The following RAD50 variants were observed in gnomAD, a reference collection of about 807,000 sequenced individuals.
RAD50 encodes the protein RAD50 double strand break repair protein.
Under a neutral mutation model 168.8 loss-of-function variants are expected in RAD50, and 132 were observed. The ratio of observed to expected loss-of-function variants is 0.78; its 90% CI spans 0.68 to 0.90. The LOEUF is 0.90. Ranked by LOEUF, RAD50 falls within the 40% of genes least tolerant of loss-of-function variation. The pLI, the probability that RAD50 is intolerant of heterozygous loss-of-function variation, is 0.00. For missense variants in RAD50, 1,347 were observed against 1,534.4 expected, an observed-to-expected ratio of 0.88 and a Z score of 2.04; for synonymous variants, 525 against 497.4, an observed-to-expected ratio of 1.06 and a Z score of -0.74.
At chr5:132,588,512 C>T (rs907391529) in intron 7 of RAD50, among the ~76,000 whole-genome samples, 175 bp from the exon 8 acceptor site, 7 of 152,044 alleles carry the variant, frequency 4.6e-5, no homozygotes, top group Non-Finnish European at 8.8e-5. Context: ...ATATCAATAT[C>T]AGTATTCTGG....
At chr5:132,595,940 A>G (rs1182154322) in intron 13 of RAD50, 130 bp downstream of exon 13, 18 of 799,604 alleles carry the variant, frequency 2.3e-5, no homozygotes, top group Admixed American at 1.4e-4. Context: ...TATCACTTCT[A>G]TGATAAGAAG....
chr5:132,570,855 G>C (rs564380585), intron 2 of RAD50, among the ~76,000 whole-genome samples: 6 of 152,254 alleles, frequency 3.9e-5, no homozygotes, highest in Non-Finnish European at 7.4e-5. Flanking sequence ...AACCTGTTTT[G>C]GATTTTGACA....
chr5:132,578,155 G>A (rs1750432375), intron 3 of RAD50, among the ~76,000 whole-genome samples: 1 of 152,110 alleles, frequency 6.6e-6, no homozygotes, highest in Admixed American at 6.5e-5. Context: ...AGACAACTTA[G>A]GTTCAACGTT....
At position 132,643,734 on chromosome 5, in the gene RAD50, G is replaced by GGGGGGCCCCCCCCCCC; in HGVS notation, c.*1370_*1371insGGGGGCCCCCCCCCCC. On this transcript the variant is annotated 3_prime_UTR_variant, in exon 25 of 25. Transcript: ENST00000378823. ...GGGGGTGGTGGTGGGGTGGGGGGGG[G>GGGGGGCCCCCCCCCCC]TCCTAAATGTAATCACGAGTAAGAT... 1 of 177,118 alleles carries GGGGGGCCCCCCCCCCC rather than the reference G, an allele frequency of 5.6e-6. No homozygotes were observed. The highest frequency in any genetic ancestry group is 1.2e-5 in the Non-Finnish European group (1 of 84,834). The allele number at this position is 177,118 out of a possible 1,614,324, so 11.0% of individuals were successfully genotyped here.
intron 13 of RAD50, among the ~76,000 whole-genome samples, chr5:132,597,027 A>G (rs1241983564): frequency 6.6e-6 from 1 of 152,228 alleles, no homozygotes; most frequent in Non-Finnish European, 1.5e-5. Context: ...ATAGGGCTAC[A>G]TTATATTCAG....
rs551223773 is a variant in RAD50 at position 132,599,305 on chromosome 5, CAT to C, written c.2207+3496_2207+3497del. On this transcript the variant is annotated intron_variant, in intron 13 of 24. Coordinates refer to ENST00000378823, the MANE Select transcript of RAD50 (RefSeq NM_005732.4). ...CTGGCAGGGCTGCTAAGTGAGGACACATGTGTGAGGAAACCATTTTTATAAAG... is the reference window on the plus strand; with the variant it reads ...CTGGCAGGGCTGCTAAGTGAGGACACGTGTGAGGAAACCATTTTTATAAAG... Among the ~76,000 whole-genome samples the C allele has an allele frequency of 2.0e-3, 297 of 152,180 alleles. 1 individual carries two copies. Among genetic ancestry groups the C allele is most frequent in the African/African-American group, 6.5e-3 (271 of 41,522 alleles).
At chr5:132,572,527 A>G (rs185381476) in intron 2 of RAD50, among the ~76,000 whole-genome samples, 1 of 152,212 alleles carries the variant, frequency 6.6e-6, no homozygotes, top group Non-Finnish European at 1.5e-5. Context: ...CCAGCTAATG[A>G]AAAGAATGCT....
At chr5:132,583,779 C>T (rs1333990703) in intron 5 of RAD50, among the ~76,000 whole-genome samples, 4 of 150,922 alleles carry the variant, frequency 2.7e-5, no homozygotes, top group Admixed American at 6.6e-5. Context: ...CTGCAACCTC[C>T]GTCTCCCAGG....
At chr5:132,560,097 G>C (rs932222849) in intron 2 of RAD50, among the ~76,000 whole-genome samples, 1 of 151,162 alleles carries the variant, frequency 6.6e-6, no homozygotes, top group South Asian at 2.1e-4. Context: ...TAGTTTATTC[G>C]TTTTTAGTGG....
Position 132,591,412 on chromosome 5 carries a change from A to C in RAD50, c.1635+6A>C, listed in dbSNP as rs764870292. On this transcript the variant is annotated splice_donor_region_variant and intron_variant, in intron 10 of 24. Coordinates refer to ENST00000378823, the MANE Select transcript of RAD50 (RefSeq NM_005732.4). ...AGATGCTGACCAAAGACAAAGTATGATTTTTCTTTTTGTTCTAATTATACT... is the reference window on the plus strand; with the variant it reads ...AGATGCTGACCAAAGACAAAGTATGCTTTTTCTTTTTGTTCTAATTATACT... 3 of 1,611,458 alleles carry C rather than the reference A, an allele frequency of 1.9e-6. No homozygotes were observed. The East Asian group carries it at 6.7e-5, about 36-fold the overall frequency.
intron 19 of RAD50, among the ~76,000 whole-genome samples, chr5:132,612,600 C>T (rs778409126): frequency 6.6e-6 from 1 of 152,010 alleles, no homozygotes; most frequent in Non-Finnish European, 1.5e-5. Context: ...TTTGGGAGGC[C>T]GAGGCGGGCA....
At chr5:132,640,011 G>A (rs1489485680) in intron 23 of RAD50, among the ~76,000 whole-genome samples, 4 of 152,210 alleles carry the variant, frequency 2.6e-5, no homozygotes, top group African/African-American at 7.2e-5. Context: ...TCAATTCTGT[G>A]TGTCTTGTAT....
chr5:132,635,345 T>C (rs1751559239), intron 21 of RAD50, among the ~76,000 whole-genome samples: 2 of 152,256 alleles, frequency 1.3e-5, no homozygotes, highest in Admixed American at 6.5e-5. Context: ...ATCATTGTTA[T>C]TCCCTTATGT....
intron 12 of RAD50, 94 bp downstream of exon 12, chr5:132,595,138 T>A (rs990391193): frequency 3.0e-6 from 4 of 1,335,726 alleles, no homozygotes; most frequent in Non-Finnish European, 4.2e-6. Flanking sequence ...AAAAACCTGG[T>A]TATGGAGCCT....
At chr5:132,574,251 G>T (rs1207090512) in intron 2 of RAD50, among the ~76,000 whole-genome samples, 1 of 152,160 alleles carries the variant, frequency 6.6e-6, no homozygotes, top group Non-Finnish European at 1.5e-5. Context: ...TGAAATCTAG[G>T]CAGAGGTTCC....
At chr5:132,629,070 T>A (rs1185675412) in intron 21 of RAD50, among the ~76,000 whole-genome samples, 1 of 152,214 alleles carries the variant, frequency 6.6e-6, no homozygotes, top group African/African-American at 2.4e-5. Flanking sequence ...GGGTTTCATA[T>A]GTATTCACTG....
chr5:132,637,928 C>T (rs1363484433), intron 22 of RAD50, 153 bp from the exon 23 acceptor site: 1 of 867,766 alleles, frequency 1.2e-6, no homozygotes, highest in Non-Finnish European at 1.8e-6. Flanking sequence ...CTCTTGAATC[C>T]TCCCAGCCAG....
At chr5:132,607,514 A>G (rs1318469004) in intron 16 of RAD50, among the ~76,000 whole-genome samples, 1 of 152,216 alleles carries the variant, frequency 6.6e-6, no homozygotes, top group East Asian at 1.9e-4. Context: ...CACTAAGTAT[A>G]TTACTGAATA....
intron 5 of RAD50, 56 bp downstream of exon 5, chr5:132,580,122 A>G: frequency 7.1e-7 from 1 of 1,407,776 alleles, no homozygotes. Context: ...GGTATACAGC[A>G]TGATGTTTTG....
Sources: gnomAD v4.1 joint callset for allele counts (sites outside exome capture counted in the v4.1 genomes callset) on GRCh38, gnomAD v4.1.1 for gene constraint, MANE v1.5 for transcripts, NCBI Gene and HGNC (gene_info 2026-07-23, HGNC 2026-07-21) for gene names.